NLGN1: variants seen among roughly 807,000 people sequenced by gnomAD.
The protein encoded by NLGN1 is neuroligin-1.
NLGN1 carries 12 observed loss-of-function variants against 65.5 expected under a neutral mutation model. The observed-to-expected ratio is 0.18, with a 90% CI of 0.12 to 0.30. NLGN1 has a LOEUF of 0.30. Ranked by LOEUF, NLGN1 falls within the 10% of genes least tolerant of loss-of-function variation. NLGN1 has a pLI of 1.00. For missense variants in NLGN1, 750 were observed against 1,007.1 expected, an observed-to-expected ratio of 0.74 and a Z score of 3.46; for synonymous variants, 350 against 359.5, an observed-to-expected ratio of 0.97 and a Z score of 0.30.
In NLGN1 at chr3:174,203,899, G is replaced by A. The variant is rs181228874; in HGVS notation, c.647-71416G>A. Among the ~76,000 whole-genome samples the A allele has an allele frequency of 4.2e-3, 638 of 152,196 alleles. 9 individuals carry two copies. The highest frequency in any genetic ancestry group is 2.9e-3 in the Non-Finnish European group (194 of 68,002). Reference sequence around the variant, plus strand: ...AGACACAAAACAAATTTCCTGGGTAGATATTATAATTTGTTTCAGATAATA... The same window carrying A: ...AGACACAAAACAAATTTCCTGGGTAAATATTATAATTTGTTTCAGATAATA... On this transcript the variant is annotated intron_variant, in intron 4 of 6. Coordinates refer to ENST00000457714, the Ensembl canonical transcript of NLGN1.
chr3:174,253,329 T>A (rs1745106606), intron 4 of NLGN1, among the ~76,000 whole-genome samples: 1 of 152,166 alleles, frequency 6.6e-6, no homozygotes, highest in Non-Finnish European at 1.5e-5. Flanking sequence ...ACAGCATCTG[T>A]CTCTTGCACC....
At chr3:173,894,719 C>A (rs1736031289) in intron 4 of NLGN1, among the ~76,000 whole-genome samples, 1 of 149,926 alleles carries the variant, frequency 6.7e-6, no homozygotes, top group African/African-American at 2.5e-5. Flanking sequence ...TTCACTGCAA[C>A]CTATGCCTCC....
chr3:173,790,194 A>ATGTG, intron 3 of NLGN1, among the ~76,000 whole-genome samples: 1 of 151,888 alleles, frequency 6.6e-6, no homozygotes, highest in Middle Eastern at 3.4e-3. Flanking sequence ...ATATATACAT[A>ATGTG]TGTGTGTGTG....
At chr3:174,215,874 C>A (rs757800078) in intron 4 of NLGN1, among the ~76,000 whole-genome samples, 2 of 152,094 alleles carry the variant, frequency 1.3e-5, no homozygotes, top group Admixed American at 6.5e-5. Context: ...CTACTGCAGC[C>A]TCCCAGTGGG....
rs527793383 is a variant in NLGN1, at chr3:173,914,485, G to A, written c.646+106653G>A. Reference sequence around the variant, plus strand: ...AAACACACACACACACATATATAATGAGCCTTAATGAATATATGTATGTGT... The same window carrying A: ...AAACACACACACACACATATATAATAAGCCTTAATGAATATATGTATGTGT... On this transcript the variant is annotated intron_variant, in intron 4 of 6. Transcript: ENST00000457714. 2.6e-5 allele frequency among the ~76,000 whole-genome samples: 4 copies of A among 151,832 alleles called. No homozygotes were observed. In the South Asian group the frequency reaches 8.3e-4, roughly 32 times the overall value.
chr3:174,100,394 C>G (rs1043761264), intron 4 of NLGN1, among the ~76,000 whole-genome samples: 1 of 152,140 alleles, frequency 6.6e-6, no homozygotes, highest in African/African-American at 2.4e-5. Context: ...CTCTACCCCA[C>G]TGCTAGAAAC....
At chr3:174,270,187 T>A (rs1271815167) in intron 4 of NLGN1, among the ~76,000 whole-genome samples, 50 of 139,830 alleles carry the variant, frequency 3.6e-4, no homozygotes, top group Non-Finnish European at 5.6e-4. Flanking sequence ...TTTGTTTATT[T>A]TTTTTTTTTT....
intron 4 of NLGN1, among the ~76,000 whole-genome samples, chr3:173,984,039 C>T (rs1007329297): frequency 1.3e-5 from 2 of 152,266 alleles, no homozygotes; most frequent in Admixed American, 6.5e-5. Flanking sequence ...TGTCTCAGGA[C>T]GACTAGCATA....
intron 4 of NLGN1, among the ~76,000 whole-genome samples, chr3:173,970,551 A>G (rs187571209): frequency 1.4e-3 from 213 of 152,230 alleles, no homozygotes; most frequent in African/African-American, 4.9e-3. Context: ...ATAAAAAAAA[A>G]AGTTGGATTT....
intron 3 of NLGN1, among the ~76,000 whole-genome samples, chr3:173,740,282 G>T (rs1009986836): frequency 6.6e-6 from 1 of 152,032 alleles, no homozygotes; most frequent in Non-Finnish European, 1.5e-5. Context: ...GGAACTCAGT[G>T]ATTTTGTGCT....
chr3:173,962,956 A>G (rs929745075), intron 4 of NLGN1, among the ~76,000 whole-genome samples: 1 of 152,156 alleles, frequency 6.6e-6, no homozygotes, highest in African/African-American at 2.4e-5. Context: ...TCAATCCTAA[A>G]CTATTATTAC....
At chr3:173,655,391 T>C (rs1282993887) in intron 3 of NLGN1, among the ~76,000 whole-genome samples, 1 of 152,148 alleles carries the variant, frequency 6.6e-6, no homozygotes, top group African/African-American at 2.4e-5. Flanking sequence ...CATTCTGTTA[T>C]GTACACATTT....
chr3:173,425,513 T>C (rs769128170), intron 1 of NLGN1, among the ~76,000 whole-genome samples: 6 of 152,180 alleles, frequency 3.9e-5, no homozygotes, highest in Non-Finnish European at 7.4e-5. Context: ...TTTTGAGTGA[T>C]TTCTGTATAT....
rs1002113715 is a variant in NLGN1 at position 173,450,413 on chromosome 3, G to C, written c.-321+15335G>C. ...CCCCCACTCTCTTCTGGCTTGTAGAGTTTCTGCTGAGAGATCAGCTGTTAG... is the reference window on the plus strand; with the variant it reads ...CCCCCACTCTCTTCTGGCTTGTAGACTTTCTGCTGAGAGATCAGCTGTTAG... On this transcript the variant is annotated intron_variant, in intron 2 of 6. Transcript: ENST00000457714. Among the ~76,000 whole-genome samples, 6 of 152,220 alleles carry C rather than the reference G, an allele frequency of 3.9e-5. No homozygotes were observed. The East Asian group carries it at 1.2e-3, about 29-fold the overall frequency.
chr3:174,055,931 G>A (rs1735972983), intron 4 of NLGN1, among the ~76,000 whole-genome samples: 1 of 151,316 alleles, frequency 6.6e-6, no homozygotes, highest in Admixed American at 6.6e-5. Context: ...ACTTTTACAA[G>A]TAGGTTATAG....
At chr3:174,167,760 TAGAGA>T (rs1460244947) in intron 4 of NLGN1, among the ~76,000 whole-genome samples, 11 of 151,926 alleles carry the variant, frequency 7.2e-5, no homozygotes, top group Admixed American at 7.2e-4. Context: ...CTAGAAAGAT[TAGAGA>T]AGTTTCTTTT....
chr3:173,644,984 A>C, intron 3 of NLGN1, among the ~76,000 whole-genome samples: 1 of 152,170 alleles, frequency 6.6e-6, no homozygotes, highest in East Asian at 1.9e-4. Flanking sequence ...TGGTGGTGGG[A>C]GGCTGTGGGT....
intron 2 of NLGN1, among the ~76,000 whole-genome samples, chr3:173,483,351 G>A (rs1448060231): frequency 6.6e-6 from 1 of 151,892 alleles, no homozygotes; most frequent in African/African-American, 2.4e-5. Flanking sequence ...TAACTCAATA[G>A]GAGGGGGTAG....
At chr3:173,411,829 A>C (rs150578156) in intron 1 of NLGN1, among the ~76,000 whole-genome samples, 1 of 152,238 alleles carries the variant, frequency 6.6e-6, no homozygotes, top group African/African-American at 2.4e-5. Context: ...TGCGAATAGA[A>C]AAATTAATAC....
Sources: gnomAD v4.1 joint callset for allele counts (sites outside exome capture counted in the v4.1 genomes callset) on GRCh38, gnomAD v4.1.1 for gene constraint, MANE v1.5 for transcripts, NCBI Gene and HGNC (gene_info 2026-07-23, HGNC 2026-07-21) for gene names.